UBE3D: variants seen among roughly 807,000 people sequenced by gnomAD.
UBE3D encodes ubiquitin protein ligase E3D.
UBE3D carries 48 observed loss-of-function variants against 49.6 expected under a neutral mutation model. The ratio of observed to expected loss-of-function variants is 0.97; its 90% CI spans 0.77 to 1.23. UBE3D has a LOEUF of 1.23. Ranked by LOEUF, UBE3D falls within the 50% of genes most tolerant of loss-of-function variation. The pLI, the probability that UBE3D is intolerant of heterozygous loss-of-function variation, is 0.00. For missense variants in UBE3D, 452 were observed against 468.4 expected, an observed-to-expected ratio of 0.96 and a Z score of 0.32; for synonymous variants, 189 against 174.2, an observed-to-expected ratio of 1.08 and a Z score of -0.67.
At chr6:83,009,032 A>G (rs757621557) in intron 8 of UBE3D, among the ~76,000 whole-genome samples, 9 of 152,208 alleles carry the variant, frequency 5.9e-5, no homozygotes, top group African/African-American at 1.4e-4. Context: ...TATAGTCACA[A>G]TATTTCCAGT....
intron 8 of UBE3D, among the ~76,000 whole-genome samples, chr6:83,001,706 A>G (rs949551056): frequency 6.6e-6 from 1 of 152,226 alleles, no homozygotes; most frequent in African/African-American, 2.4e-5. Flanking sequence ...GTAGCAGGTT[A>G]CCTGAATCTC....
intron 5 of UBE3D, among the ~76,000 whole-genome samples, chr6:83,030,411 C>A (rs112127105): frequency 2.0e-5 from 3 of 152,084 alleles, no homozygotes; most frequent in Non-Finnish European, 2.9e-5. Context: ...AAAGACAGTT[C>A]CCCTGCACAA....
chr6:83,039,401 T>A (rs909324668), intron 4 of UBE3D, among the ~76,000 whole-genome samples: 2 of 152,226 alleles, frequency 1.3e-5, no homozygotes, highest in Non-Finnish European at 2.9e-5. Context: ...TACATTTAAG[T>A]ATTTTTTCTT....
intron 9 of UBE3D, among the ~76,000 whole-genome samples, chr6:82,905,523 C>A (rs1200175309): frequency 6.6e-6 from 1 of 152,122 alleles, no homozygotes; most frequent in African/African-American, 2.4e-5. Flanking sequence ...TAACATCTCA[C>A]ACAAAACAAT....
intron 8 of UBE3D, among the ~76,000 whole-genome samples, chr6:82,976,399 G>C (rs1011578748): frequency 2.0e-5 from 3 of 152,168 alleles, no homozygotes; most frequent in Admixed American, 2.0e-4. Context: ...CAACTCAACT[G>C]TTAAAACAGC....
At chr6:83,059,520 C>T (rs574041065) in intron 1 of UBE3D, among the ~76,000 whole-genome samples, 1 of 152,346 alleles carries the variant, frequency 6.6e-6, no homozygotes, top group South Asian at 2.1e-4. Flanking sequence ...CCATTTGCTA[C>T]CTCAATGACT....
intron 9 of UBE3D, among the ~76,000 whole-genome samples, chr6:82,902,597 T>C (rs1771818202): frequency 6.6e-6 from 1 of 152,268 alleles, no homozygotes; most frequent in East Asian, 1.9e-4. Context: ...AGAGCAGTGA[T>C]TGCAGGGGTT....
chr6:82,954,453 G>C (rs1259396495), intron 9 of UBE3D, among the ~76,000 whole-genome samples: 1 of 152,052 alleles, frequency 6.6e-6, no homozygotes, highest in Non-Finnish European at 1.5e-5. Flanking sequence ...TAATTAATAA[G>C]ATAAACTCTT....
intron 9 of UBE3D, among the ~76,000 whole-genome samples, chr6:82,908,187 C>G (rs79344526): frequency 2.6e-5 from 4 of 152,096 alleles, no homozygotes; most frequent in Non-Finnish European, 4.4e-5. Context: ...CAAAGAGGAA[C>G]GATTAACTGC....
chr6:83,022,537 G>T lies in UBE3D; in HGVS notation c.762C>A (p.Ile254=). Residue 254 remains isoleucine (I), a synonymous_variant, in exon 7 of 10, where the codon ATC becomes ATA. Coordinates refer to ENST00000369747, the MANE Select transcript of UBE3D (RefSeq NM_198920.3). ...AGGAGAGCTGCACCAGACACTGGGC[G>T]ATCACGCTCTGGACAAACCAAGACC... is the stretch of plus-strand genomic sequence containing the variant. ...IPRSWFVQSV[I]AQCLVQLSSA... The T allele has an allele frequency of 1.9e-6, 3 of 1,602,050 alleles. No homozygotes were observed. Among genetic ancestry groups the T allele is most frequent in the Non-Finnish European group, 2.6e-6 (3 of 1,175,680 alleles).
At chr6:82,909,254 T>C (rs574997242) in intron 9 of UBE3D, among the ~76,000 whole-genome samples, 1 of 152,322 alleles carries the variant, frequency 6.6e-6, no homozygotes, top group South Asian at 2.1e-4. Flanking sequence ...ACCGGTACTA[T>C]TAACTCTGAT....
intron 4 of UBE3D, among the ~76,000 whole-genome samples, chr6:83,040,460 C>T (rs1396660469): frequency 1.3e-5 from 2 of 151,942 alleles, no homozygotes; most frequent in Non-Finnish European, 2.9e-5. Context: ...ACAATTCATA[C>T]TGGGGTCTTT....
At chr6:82,939,053 C>T (rs1340585966) in intron 9 of UBE3D, among the ~76,000 whole-genome samples, 2 of 151,366 alleles carry the variant, frequency 1.3e-5, no homozygotes, top group East Asian at 3.9e-4. Flanking sequence ...GACTGGACAC[C>T]CTGTCTATTA....
In UBE3D at chr6:82,957,447, A is replaced by G. The variant is rs3734455; in HGVS notation, c.1014T>C (p.Leu338=). ...TGATGTCACTTTCCCACAAGCTGAC[A>G]AGTCTGGAACACACCAACACATTAA... ...QPCIKSRNEK[L]VSLWESDISV... Residue 338 remains leucine, a synonymous_variant, in exon 9 of 10, where the codon CTT becomes CTC. Coordinates refer to ENST00000369747, the MANE Select transcript of UBE3D (RefSeq NM_198920.3). 30,840 of 1,613,922 alleles carry G rather than the reference A, an allele frequency of 0.019. 326 individuals are homozygous for G. The highest frequency in any genetic ancestry group is 0.02 in the Non-Finnish European group (24,135 of 1,179,896).
At chr6:82,995,341 T>C (rs1779164944) in intron 8 of UBE3D, among the ~76,000 whole-genome samples, 1 of 152,116 alleles carries the variant, frequency 6.6e-6, no homozygotes, top group African/African-American at 2.4e-5. Context: ...TCCTTAAACA[T>C]GATACAAAAG....
At position 83,000,370 on chromosome 6, in the gene UBE3D, C is replaced by T. The variant is rs554885050; in HGVS notation, c.1010+18603G>A. On this transcript the variant is annotated intron_variant, in intron 8 of 9. Coordinates refer to ENST00000369747, the MANE Select transcript of UBE3D (RefSeq NM_198920.3). The stretch of plus-strand genomic sequence containing the variant: ...TTTATCTTCTTCCAATATTATCTAT[C>T]CCAGTATATAGTGGCCCATTCCTCA... Among the ~76,000 whole-genome samples, 11 of 152,292 alleles carry T rather than the reference C, an allele frequency of 7.2e-5. No individual in the cohort carries two copies. In the East Asian group the frequency reaches 1.7e-3, roughly 24 times the overall value.
chr6:83,010,091 T>A (rs980859842), intron 8 of UBE3D, among the ~76,000 whole-genome samples: 2 of 151,884 alleles, frequency 1.3e-5, no homozygotes, highest in Non-Finnish European at 2.9e-5. Flanking sequence ...CAAACATGAA[T>A]CTCCAAGTCT....
chr6:82,986,940 C>T (rs761373839), intron 8 of UBE3D, among the ~76,000 whole-genome samples: 9 of 151,448 alleles, frequency 5.9e-5, no homozygotes, highest in Non-Finnish European at 1.2e-4. Flanking sequence ...TCCCTTCCTC[C>T]CTTCCTCTCT....
rs61225462 is a variant in UBE3D, at chr6:83,027,434, CAAA to C, written c.668-3399_668-3397del. On this transcript the variant is annotated intron_variant, in intron 5 of 9. Coordinates refer to ENST00000369747, the MANE Select transcript of UBE3D (RefSeq NM_198920.3). The stretch of plus-strand genomic sequence containing the variant: ...CTGGCGACAGAGCGAGACTCCGTCT[CAAA>C]AAAAAAAAAAAAAAAAAAAAAAAAG... Among the ~76,000 whole-genome samples, 132 of 34,622 alleles carry C rather than the reference CAAA, an allele frequency of 3.8e-3. No individual in the cohort carries two copies. In the South Asian group the frequency reaches 0.041, roughly 11 times the overall value. The allele number at this position is 34,622 out of a possible 152,430, so 22.7% of individuals were successfully genotyped here. A position where few individuals can be genotyped will look rare whatever the true frequency, so the allele number is the denominator to read the frequency against.
Sources: gnomAD v4.1 joint callset for allele counts (sites outside exome capture counted in the v4.1 genomes callset) on GRCh38, gnomAD v4.1.1 for gene constraint, MANE v1.5 for transcripts, NCBI Gene and HGNC (gene_info 2026-07-23, HGNC 2026-07-21) for gene names.